Variants in STON2 observed in about 807,000 individuals in gnomAD.
STON2 encodes the protein stonin 2, also known as stonin-2.
Under a neutral mutation model 65.7 loss-of-function variants are expected in STON2, and 29 were observed. The observed-to-expected ratio is 0.44, with a 90% CI of 0.33 to 0.60. The LOEUF is 0.60. Ranked by LOEUF, STON2 falls within the 20% of genes least tolerant of loss-of-function variation. The pLI is 0.03. For synonymous variants in STON2, 404 were observed against 414.2 expected (o/e 0.98, Z 0.30); for missense variants, 1,054 against 1,118.1 (o/e 0.94, Z 0.82).
chr14:81,326,688 G>A (rs757841250), intron 4 of STON2, among the ~76,000 whole-genome samples: 10 of 152,172 alleles, frequency 6.6e-5, no homozygotes, highest in East Asian at 1.9e-4. Context: ...GTCATTTGAG[G>A]AATGATTTGA....
intron 1 of STON2, among the ~76,000 whole-genome samples, chr14:81,431,187 C>T (rs1011977322): frequency 6.6e-6 from 1 of 152,196 alleles, no homozygotes; most frequent in African/African-American, 2.4e-5. Context: ...TGGGAAGGTA[C>T]ACAGAATCCT....
intron 5 of STON2, among the ~76,000 whole-genome samples, chr14:81,308,354 C>T (rs571923142): frequency 6.6e-6 from 1 of 152,238 alleles, no homozygotes; most frequent in South Asian, 2.1e-4. Context: ...CAGACACCCA[C>T]CACCATGCCT....
chr14:81,311,639 A>C (rs948104141), intron 5 of STON2, among the ~76,000 whole-genome samples: 4 of 152,230 alleles, frequency 2.6e-5, no homozygotes, highest in African/African-American at 9.6e-5. Flanking sequence ...TTGTACAGTT[A>C]GGAAGTGGCA....
At chr14:81,326,115 A>G (rs1349876538) in intron 4 of STON2, among the ~76,000 whole-genome samples, 1 of 152,198 alleles carries the variant, frequency 6.6e-6, no homozygotes, top group Non-Finnish European at 1.5e-5. Context: ...AAGAACGGCA[A>G]AATAAATGCT....
upstream of STON2, among the ~76,000 whole-genome samples, chr14:81,404,533 T>C (rs928797991): frequency 6.6e-6 from 1 of 152,216 alleles, no homozygotes; most frequent in Non-Finnish European, 1.5e-5. Context: ...TGAGACAGGA[T>C]CTCACTCTTG....
intron 2 of STON2, among the ~76,000 whole-genome samples, chr14:81,416,178 G>A (rs1470367821): frequency 3.3e-5 from 5 of 152,196 alleles, no homozygotes; most frequent in Admixed American, 2.0e-4. Context: ...CTACCTCAGA[G>A]ATTCTGTAAG....
chr14:81,330,544 A>T (rs763311703), intron 4 of STON2, among the ~76,000 whole-genome samples: 2 of 152,218 alleles, frequency 1.3e-5, no homozygotes, highest in Non-Finnish European at 2.9e-5. Flanking sequence ...GCTGTCACAC[A>T]TATTTATTAA....
At chr14:81,311,238 A>C (rs1395863626) in intron 5 of STON2, among the ~76,000 whole-genome samples, 1 of 152,204 alleles carries the variant, frequency 6.6e-6, no homozygotes, top group African/African-American at 2.4e-5. Flanking sequence ...AATAGGAGGC[A>C]GGAGAAGAGT....
intron 2 of STON2, among the ~76,000 whole-genome samples, chr14:81,420,145 G>C (rs1034046717): frequency 6.6e-6 from 1 of 152,206 alleles, no homozygotes; most frequent in African/African-American, 2.4e-5. Flanking sequence ...CTTCATCTGG[G>C]TCCTGAAGTA....
intron 3 of STON2, among the ~76,000 whole-genome samples, chr14:81,387,142 T>C (rs1184913291): frequency 6.6e-6 from 1 of 150,998 alleles, no homozygotes; most frequent in Non-Finnish European, 1.5e-5. Flanking sequence ...AAATTTCATT[T>C]TGATTTAACA....
At chr14:81,398,975 T>A (rs1403633026) in intron 1 of STON2, among the ~76,000 whole-genome samples, 2 of 152,258 alleles carry the variant, frequency 1.3e-5, no homozygotes, top group East Asian at 1.9e-4. Context: ...ATTAAATTAG[T>A]CCAGTTTCTT....
chr14:81,289,126 G>A (rs985863819), intron 5 of STON2, among the ~76,000 whole-genome samples: 27 of 152,178 alleles, frequency 1.8e-4, no homozygotes, highest in Non-Finnish European at 2.2e-4. Flanking sequence ...CCTTTGAAGG[G>A]GTCAGGAACA....
intron 3 of STON2, among the ~76,000 whole-genome samples, chr14:81,392,055 G>A (rs932655266): frequency 6.6e-6 from 1 of 152,126 alleles, no homozygotes; most frequent in Non-Finnish European, 1.5e-5. Context: ...TGCCTTGGAG[G>A]TAAAATTTAA....
chr14:81,344,817 G>A (rs971024316), intron 4 of STON2, among the ~76,000 whole-genome samples: 5 of 152,188 alleles, frequency 3.3e-5, no homozygotes, highest in Non-Finnish European at 5.9e-5. Flanking sequence ...CCACACAGCT[G>A]ATTATTGGGA....
chr14:81,324,687 T>C (rs1462977722), intron 4 of STON2, among the ~76,000 whole-genome samples: 1 of 152,232 alleles, frequency 6.6e-6, no homozygotes, highest in Non-Finnish European at 1.5e-5. Flanking sequence ...CTATGGACTT[T>C]GCCTTGTCCA....
intron 4 of STON2, among the ~76,000 whole-genome samples, chr14:81,347,107 A>C (rs773995498): frequency 3.3e-5 from 5 of 152,162 alleles, no homozygotes; most frequent in Admixed American, 6.5e-5. Context: ...CAAAATAAAA[A>C]AAAACCCCGA....
At chr14:81,350,233 A>G (rs959859127) in intron 4 of STON2, among the ~76,000 whole-genome samples, 21 of 152,264 alleles carry the variant, frequency 1.4e-4, no homozygotes, top group Admixed American at 9.8e-4. Context: ...AGAAATGATA[A>G]AAGTTTGAGG....
At chr14:81,384,616 A>G (rs1899703214) in intron 3 of STON2, among the ~76,000 whole-genome samples, 1 of 152,140 alleles carries the variant, frequency 6.6e-6, no homozygotes, top group Non-Finnish European at 1.5e-5. Flanking sequence ...TGTGGGCTCC[A>G]TGGGGCACGA....
At chr14:81,428,140 G>A (rs1008318790) in intron 1 of STON2, among the ~76,000 whole-genome samples, 1 of 152,180 alleles carries the variant, frequency 6.6e-6, no homozygotes, top group African/African-American at 2.4e-5. Context: ...ACGCATGATA[G>A]CTATTGATAG....
Sources: allele counts gnomAD v4.1 joint callset (sites outside exome capture counted in the v4.1 genomes callset), GRCh38; gene constraint gnomAD v4.1.1; transcripts MANE v1.5; gene names NCBI Gene and HGNC (gene_info 2026-07-23, HGNC 2026-07-21).